Variants in ZFPM1 observed in about 807,000 individuals in gnomAD.
ZFPM1 encodes the protein zinc finger protein ZFPM1.
In ZFPM1, 28 loss-of-function variants were observed where a neutral mutation model predicts 46.3. The observed-to-expected ratio is 0.60, with a 90% CI of 0.45 to 0.83. The LOEUF (loss-of-function observed/expected upper bound fraction) is 0.83, where lower values mean the gene tolerates loss of function less well. ZFPM1 is among the 40% of genes least tolerant of loss of function. The pLI, the probability that ZFPM1 is intolerant of heterozygous loss-of-function variation, is 0.00. For missense variants in ZFPM1, 1,878 were observed against 1,432.4 expected (o/e 1.31, Z -5.02); for synonymous variants, 957 against 675.9 (o/e 1.42, Z -6.45).
At chr16:88,455,476 C>T (rs984618930) in intron 1 of ZFPM1, among the ~76,000 whole-genome samples, 1 of 152,132 alleles carries the variant, frequency 6.6e-6, no homozygotes, top group Non-Finnish European at 1.5e-5. Flanking sequence ...CAGATCTCAG[C>T]ACGTTAAGAT....
intron 3 of ZFPM1, among the ~76,000 whole-genome samples, chr16:88,489,865 A>T (rs1001076990): frequency 6.6e-6 from 1 of 151,346 alleles, no homozygotes; most frequent in Non-Finnish European, 1.5e-5. Flanking sequence ...AGCCCAAGGA[A>T]CCGCAGTAGC....
Position 88,535,130 on chromosome 16 carries a change from C to G in ZFPM1, c.*151C>G. 1.0e-6 allele frequency: 1 copy of G among 956,878 alleles called. No homozygotes were observed. The highest frequency in any genetic ancestry group is 3.5e-4 in the Middle Eastern group (1 of 2,822). The allele number at this position is 956,878 out of a possible 1,614,324, so 59.3% of individuals were successfully genotyped here. ...CGCAGGGGGCAGCGCCCGCCTGGAC[C>G]CTTGGCACTTAATAAAGAAGTTCAG... On this transcript the variant is annotated 3_prime_UTR_variant, in exon 10 of 10. Transcript: ENST00000319555.
chr16:88,452,477 C>T (rs1489001147), upstream of ZFPM1, among the ~76,000 whole-genome samples: 2 of 152,252 alleles, frequency 1.3e-5, no homozygotes. Flanking sequence ...TGCCGGCTCC[C>T]GCGCCCCCTC....
intron 4 of ZFPM1, among the ~76,000 whole-genome samples, chr16:88,522,548 G>A (rs140959258): frequency 7.9e-5 from 12 of 152,380 alleles, no homozygotes; most frequent in Non-Finnish European, 1.8e-4. Context: ...GCGAGGTTTG[G>A]GAACGGCCTC....
Position 88,534,410 on chromosome 16 carries a change from G to C in ZFPM1, c.2452G>C (p.Glu818Gln). The change falls in exon 10 of 10, where the codon GAG becomes CAG. Residue 818 changes from glutamate to glutamine, a missense_variant. Glu to Gln is a conservative substitution (Grantham distance 29). Transcript: ENST00000319555. ...APAPALADYH[E>Q]CTACRVSFHS... Reference sequence around the variant, plus strand: ...GGCACCGGCGCTGGCCGACTACCACGAGTGCACGGCCTGCCGCGTGAGCTT... The same window carrying C: ...GGCACCGGCGCTGGCCGACTACCACCAGTGCACGGCCTGCCGCGTGAGCTT... 4.0e-6 allele frequency: 6 copies of C among 1,485,668 alleles called. No individual in the cohort carries two copies. The highest frequency in any genetic ancestry group is 5.3e-6 in the Non-Finnish European group (6 of 1,124,654). The allele number at this position is 1,485,668 out of a possible 1,614,324, so 92.0% of individuals were successfully genotyped here.
intron 3 of ZFPM1, among the ~76,000 whole-genome samples, chr16:88,494,954 G>T (rs1028322401): frequency 3.9e-5 from 6 of 152,352 alleles, no homozygotes; most frequent in Admixed American, 1.3e-4. Context: ...AAATGACCTT[G>T]TTTGCCGGAG....
At chr16:88,481,926 T>C (rs1265895827) in intron 1 of ZFPM1, among the ~76,000 whole-genome samples, 1 of 152,208 alleles carries the variant, frequency 6.6e-6, no homozygotes, top group East Asian at 1.9e-4. Flanking sequence ...CTGCCCTGTG[T>C]TGAGCTCTGA....
intron 1 of ZFPM1, among the ~76,000 whole-genome samples, chr16:88,459,080 G>A (rs1907686483): frequency 6.6e-6 from 1 of 152,212 alleles, no homozygotes; most frequent in Non-Finnish European, 1.5e-5. Context: ...TGCAAGTCGA[G>A]ACTTGGGTGG....
chr16:88,534,823 G>C lies in ZFPM1; in HGVS notation c.2865G>C (p.Lys955Asn). 1 of 1,534,838 alleles carries C rather than the reference G, an allele frequency of 6.5e-7. No individual in the cohort carries two copies. Among genetic ancestry groups the C allele is most frequent in the South Asian group, 1.2e-5 (1 of 84,786 alleles). The change falls in exon 10 of 10, where the codon AAG becomes AAC. Residue 955 changes from lysine to asparagine, a missense_variant. Transcript: ENST00000319555. The part of the protein sequence containing the change: ...PPPAPPSYSD[K>N]GVQTPSKGTP... ...CGGCGCCCCCCTCCTACTCGGACAAGGGCGTCCAGACTCCCAGCAAGGGCA... is the reference window on the plus strand; with the variant it reads ...CGGCGCCCCCCTCCTACTCGGACAACGGCGTCCAGACTCCCAGCAAGGGCA...
In ZFPM1 at chr16:88,533,728, C is replaced by T; in HGVS notation, c.1770C>T (p.Asn590=). The change falls in exon 10 of 10, where the codon AAC becomes AAT. Residue 590 remains asparagine (N), a synonymous_variant. Transcript: ENST00000319555. The part of the protein sequence containing the change: ...FECEITFSNV[N]NYYVHKRLYC... The stretch of plus-strand genomic sequence containing the variant: ...GCGAGATCACCTTCAGCAACGTCAA[C>T]AACTACTACGTGCACAAGCGCCTCT... 1 of 1,500,504 alleles carries T rather than the reference C, an allele frequency of 6.7e-7. No homozygotes were observed. Among genetic ancestry groups the T allele is most frequent in the Non-Finnish European group, 9.0e-7 (1 of 1,117,290 alleles). The allele number at this position is 1,500,504 out of a possible 1,614,324, so 92.9% of individuals were successfully genotyped here.
chr16:88,465,575 C>T (rs929074500), intron 1 of ZFPM1, among the ~76,000 whole-genome samples: 5 of 151,906 alleles, frequency 3.3e-5, no homozygotes, highest in African/African-American at 7.3e-5. Context: ...GTGCCTAGAA[C>T]AGTGCCCGGT....
rs1348468395 is a variant in ZFPM1 at position 88,536,371 on chromosome 16, C to T, written c.*1392C>T. The stretch of plus-strand genomic sequence containing the variant: ...AACATTTTTATAGAGACAGGGTCTT[C>T]CTGTGTTGCCCAAGATGGTCTCAAA... On this transcript the variant is annotated 3_prime_UTR_variant, in exon 10 of 10. Transcript: ENST00000319555. 6.6e-6 allele frequency: 1 copy of T among 152,158 alleles called. No homozygotes were observed. Among genetic ancestry groups the T allele is most frequent in the African/African-American group, 2.4e-5 (1 of 41,422 alleles). The allele number at this position is 152,158 out of a possible 1,614,324, so 9.4% of individuals were successfully genotyped here.
intron 3 of ZFPM1, among the ~76,000 whole-genome samples, chr16:88,490,799 A>G (rs1034549188): frequency 2.0e-5 from 3 of 152,072 alleles, no homozygotes; most frequent in Admixed American, 1.3e-4. Context: ...CCTCATGGCC[A>G]CCGGTCCTCA....
upstream of ZFPM1, among the ~76,000 whole-genome samples, chr16:88,452,414 C>T (rs769518948): frequency 2.9e-4 from 44 of 152,214 alleles, no homozygotes; most frequent in Admixed American, 9.2e-4. Context: ...TCCTGCGGGG[C>T]GCCCTGGAGA....
At chr16:88,454,361 C>T (rs1456170992) in intron 1 of ZFPM1, among the ~76,000 whole-genome samples, 1 of 152,224 alleles carries the variant, frequency 6.6e-6, no homozygotes, top group Non-Finnish European at 1.5e-5. Flanking sequence ...TGAACCCAGG[C>T]CCCGCCAGCC....
chr16:88,528,398 T>A (rs1302055020), intron 6 of ZFPM1, among the ~76,000 whole-genome samples, 160 bp downstream of exon 6: 3 of 152,084 alleles, frequency 2.0e-5, no homozygotes, highest in Non-Finnish European at 4.4e-5. Context: ...TGGTCCCAAG[T>A]GCAGAACACA....
rs188172752 is a variant in ZFPM1 at position 88,468,951 on chromosome 16, C to T, written c.40+15273C>T. On this transcript the variant is annotated intron_variant, in intron 1 of 9. Coordinates refer to ENST00000319555, the MANE Select transcript of ZFPM1 (RefSeq NM_153813.3). Reference sequence around the variant, plus strand: ...TTTTAGGGGCCTCGCTGTCTGGGCACAGGCGGATGGACAGGCTGGCCTCTG... The same window carrying T: ...TTTTAGGGGCCTCGCTGTCTGGGCATAGGCGGATGGACAGGCTGGCCTCTG... 361 of 154,328 alleles carry T rather than the reference C, an allele frequency of 2.3e-3. 1 individual carries two copies. The highest frequency in any genetic ancestry group is 8.3e-3 in the African/African-American group (347 of 41,648). 9.6% of individuals were successfully genotyped at this position (154,328 alleles called of 1,614,324 possible). A position where few individuals can be genotyped will look rare whatever the true frequency, so the allele number is the denominator to read the frequency against.
In ZFPM1 at chr16:88,536,178, C is replaced by T. The variant is rs11076646; in HGVS notation, c.*1199C>T. 0.58 allele frequency: 87,351 copies of T among 151,682 alleles called. 25,433 individuals carry two copies. The highest frequency in any genetic ancestry group is 0.64 in the Non-Finnish European group (43,618 of 67,892). 9.4% of individuals were successfully genotyped at this position (151,682 alleles called of 1,614,324 possible). ...CCTATGTTGCCCAGGCTGGGCAACC[C>T]TATATTTTTTAGAGCTAAGGTCTTG... On this transcript the variant is annotated 3_prime_UTR_variant, in exon 10 of 10. Transcript: ENST00000319555.
At chr16:88,517,792 G>A (rs1911444223) in intron 4 of ZFPM1, among the ~76,000 whole-genome samples, 1 of 148,388 alleles carries the variant, frequency 6.7e-6, no homozygotes, top group South Asian at 2.2e-4. Flanking sequence ...ATGAATGAAT[G>A]GGTGGGTGGC....
Sources: allele counts gnomAD v4.1 joint callset (sites outside exome capture counted in the v4.1 genomes callset), GRCh38; gene constraint gnomAD v4.1.1; transcripts MANE v1.5; gene names NCBI Gene and HGNC (gene_info 2026-07-23, HGNC 2026-07-21).